The following STOX2 variants were observed in gnomAD, a reference collection of about 807,000 sequenced individuals.
The protein encoded by STOX2 is storkhead box 2, also known as storkhead-box protein 2.
Under a neutral mutation model 60.9 loss-of-function variants are expected in STOX2, and 28 were observed. The observed-to-expected ratio is 0.46, with a 90% confidence interval of 0.34 to 0.63. The LOEUF is 0.63. Among genes scored for constraint, STOX2 ranks in the 30% least tolerant of loss-of-function variants. The pLI is 0.01. For missense variants in STOX2, 1,024 were observed against 1,187.7 expected (o/e 0.86, Z 2.03); for synonymous variants, 472 against 463.9 (o/e 1.02, Z -0.22).
intron 1 of STOX2, among the ~76,000 whole-genome samples, chr4:183,908,505 G>A (rs1741681166): frequency 1.3e-5 from 2 of 151,652 alleles, no homozygotes; most frequent in Non-Finnish European, 2.9e-5. Context: ...CACCAACTGT[G>A]AAGCTATAGG....
In STOX2 at chr4:183,806,919, G is replaced by T. The variant is rs1370570087; in HGVS notation, c.364+8864G>T. ...TGCCCCCACGGCCCCACAGCTCGAA[G>T]CCCCCATGCCTGGAGGGGGCCTTTG... On this transcript the variant is annotated intron_variant, in intron 1 of 2. Transcript: ENST00000513034. The surrounding 1 kb of genome is among the most constrained non-coding windows in gnomAD (Gnocchi z 4.1). Among the ~76,000 whole-genome samples the T allele has an allele frequency of 6.6e-6, 1 of 152,072 alleles. No homozygotes were observed. The highest frequency in any genetic ancestry group is 1.9e-4 in the East Asian group (1 of 5,176).
At chr4:183,973,778 G>A (rs534993488) in intron 1 of STOX2, among the ~76,000 whole-genome samples, 23 of 152,290 alleles carry the variant, frequency 1.5e-4, no homozygotes, top group African/African-American at 5.3e-4. Context: ...GGTGGATCAC[G>A]AGGTGAAGAG....
chr4:183,991,026 G>A (rs1733084151), intron 1 of STOX2, among the ~76,000 whole-genome samples: 1 of 152,106 alleles, frequency 6.6e-6, no homozygotes, highest in Non-Finnish European at 1.5e-5. Context: ...AATACTAAGA[G>A]TACTTATTTA....
At chr4:183,953,717 C>A (rs1422451809) in intron 1 of STOX2, among the ~76,000 whole-genome samples, 1 of 152,092 alleles carries the variant, frequency 6.6e-6, no homozygotes, top group East Asian at 1.9e-4. Flanking sequence ...AGGCGTGCAC[C>A]ACCATGCCCA....
intron 1 of STOX2, among the ~76,000 whole-genome samples, chr4:183,992,609 G>A (rs190652813): frequency 1.1e-4 from 16 of 152,338 alleles, no homozygotes; most frequent in Admixed American, 9.1e-4. Flanking sequence ...TTGGTCAGGT[G>A]CTTTACAGAA....
chr4:184,000,145 G>A (rs1733523347), intron 1 of STOX2, among the ~76,000 whole-genome samples: 3 of 151,994 alleles, frequency 2.0e-5, no homozygotes, highest in Admixed American at 2.0e-4. Context: ...GGTGTCAGGA[G>A]CGAACTTTCC....
chr4:183,815,964 G>A (rs1739144834), intron 1 of STOX2, among the ~76,000 whole-genome samples: 1 of 151,986 alleles, frequency 6.6e-6, no homozygotes, highest in African/African-American at 2.4e-5. Flanking sequence ...TTGCATACGT[G>A]GTTGGACACC....
At chr4:183,924,924 T>G (rs1482946477) in intron 1 of STOX2, among the ~76,000 whole-genome samples, 1 of 152,172 alleles carries the variant, frequency 6.6e-6, no homozygotes, top group Admixed American at 6.5e-5. Flanking sequence ...TAGGGAGGCC[T>G]GCTGAGGCCG....
At chr4:183,979,906 C>T (rs533630463) in intron 1 of STOX2, among the ~76,000 whole-genome samples, 8 of 152,158 alleles carry the variant, frequency 5.3e-5, no homozygotes, top group Admixed American at 1.3e-4. Flanking sequence ...CCGGTCATGC[C>T]GAGTTCACCT....
At chr4:183,916,847 C>T (rs931956909) in intron 1 of STOX2, among the ~76,000 whole-genome samples, 3 of 152,196 alleles carry the variant, frequency 2.0e-5, no homozygotes, top group Non-Finnish European at 2.9e-5. Flanking sequence ...TTCCCCTTTC[C>T]AATAACACCC....
At chr4:183,807,003 T>G (rs189243948) in intron 1 of STOX2, among the ~76,000 whole-genome samples, 4 of 151,898 alleles carry the variant, frequency 2.6e-5, no homozygotes, top group East Asian at 1.9e-4. Context: ...GACGGAGTCT[T>G]GCTCTGTCGC....
At position 183,906,942 on chromosome 4, in the gene STOX2, G is replaced by A; in HGVS notation, c.152G>A (p.Gly51Asp). Residue 51 changes from glycine to aspartate, a missense_variant, in exon 1 of 4, where the codon GGC becomes GAC. By Grantham distance (94) the Gly-to-Asp change is moderately conservative. This residue lies in a region of STOX2 where 98 missense variants were observed against 110.2 expected (regional missense o/e 0.89). Transcript: ENST00000308497. ...PAAFAPQASR[G>D]YMTSGDVSPI... The stretch of plus-strand genomic sequence containing the variant: ...GCCTTCGCGCCCCAGGCTTCGCGGG[G>A]CTACATGACATCAGGTTGGTTGGTG... The A allele has an allele frequency of 6.5e-7, 1 of 1,546,908 alleles. No individual in the cohort carries two copies. Among genetic ancestry groups the A allele is most frequent in the Non-Finnish European group, 8.7e-7 (1 of 1,144,032 alleles).
chr4:183,875,152 A>G (rs973297150), intron 1 of STOX2, among the ~76,000 whole-genome samples: 3 of 151,150 alleles, frequency 2.0e-5, no homozygotes, highest in African/African-American at 7.3e-5. Flanking sequence ...CCTGACCAAC[A>G]TTTGTCTCAA....
At chr4:183,869,931 C>A (rs75228136) in intron 1 of STOX2, among the ~76,000 whole-genome samples, 1 of 152,000 alleles carries the variant, frequency 6.6e-6, no homozygotes, top group African/African-American at 2.4e-5. Context: ...AAGGAATGGG[C>A]GGGACCAAGG....
chr4:183,928,908 TA>T (rs374964014), intron 1 of STOX2, among the ~76,000 whole-genome samples: 78 of 152,068 alleles, frequency 5.1e-4, no homozygotes, highest in African/African-American at 1.8e-3. Context: ...TGATAAGAAA[TA>T]AGAGAAAATG....
At chr4:183,874,952 AATATATATATATATATAT>A (rs759209967) in intron 1 of STOX2, among the ~76,000 whole-genome samples, 166 of 44,608 alleles carry the variant, frequency 3.7e-3, no homozygotes, top group African/African-American at 7.5e-3. Flanking sequence ...AAAAAAAAAA[AATATATATATATATATAT>A]ATATATATAT....
chr4:183,917,390 C>T (rs758915462), intron 1 of STOX2, among the ~76,000 whole-genome samples: 6 of 152,260 alleles, frequency 3.9e-5, no homozygotes, highest in East Asian at 1.9e-4. Context: ...TTAAGAATTC[C>T]GGCATGGATC....
chr4:183,967,602 A>C (rs1383181310), intron 1 of STOX2, among the ~76,000 whole-genome samples: 1 of 152,076 alleles, frequency 6.6e-6, no homozygotes, highest in Non-Finnish European at 1.5e-5. Flanking sequence ...GGGACCGGAG[A>C]TGTACCTAAC....
rs528954821 is a variant in STOX2 at position 183,914,360 on chromosome 4, C to T, written c.166+7404C>T. Among the ~76,000 whole-genome samples, 120 of 152,284 alleles carry T rather than the reference C, an allele frequency of 7.9e-4. 1 individual carries two copies. The Middle Eastern group carries it at 0.01, about 13-fold the overall frequency. Reference sequence around the variant, plus strand: ...GGCTGAGCGGAAGGATCACCTGAGCCTGGGGAGGTTGAGGCCTCAGCGAGC... The same window carrying T: ...GGCTGAGCGGAAGGATCACCTGAGCTTGGGGAGGTTGAGGCCTCAGCGAGC... On this transcript the variant is annotated intron_variant, in intron 1 of 3. Transcript: ENST00000308497.
Sources: allele counts gnomAD v4.1 joint callset (sites outside exome capture counted in the v4.1 genomes callset), GRCh38; gene constraint gnomAD v4.1.1; regional missense constraint gnomAD v4.1.1; non-coding constraint Gnocchi (gnomAD v3.1); transcripts MANE v1.5; gene names NCBI Gene and HGNC (gene_info 2026-07-23, HGNC 2026-07-21).